Variants in PSD3 observed in about 807,000 individuals in gnomAD.
PSD3 encodes the protein pleckstrin and Sec7 domain containing 3.
PSD3 carries 49 observed loss-of-function variants against 105.5 expected under a neutral mutation model. The observed-to-expected ratio is 0.46, with a 90% CI of 0.37 to 0.59. The LOEUF is 0.59. Ranked by LOEUF, PSD3 falls within the 20% of genes least tolerant of loss-of-function variation. The pLI is 0.00. For missense variants in PSD3, 1,561 were observed against 1,263.8 expected, an observed-to-expected ratio of 1.24 and a Z score of -3.57; for synonymous variants, 557 against 457.8, an observed-to-expected ratio of 1.22 and a Z score of -2.77.
rs538129091 is a variant in PSD3, at chr8:18,872,210, G to A, written c.654C>T (p.Thr218=). Residue 218 remains threonine (T), a synonymous_variant, in exon 3 of 16, where the codon ACC becomes ACT. Transcript: ENST00000327040. ...SFYLSIQKDL[T]ALLTGDTQAE... ...CCTGAGTGTCTCCAGTTAACAGCGC[G>A]GTGAGATCTTTCTGGATGCTCAAAT... 145 of 1,614,136 alleles carry A rather than the reference G, an allele frequency of 9.0e-5. 1 individual carries two copies. Among genetic ancestry groups the A allele is most frequent in the Middle Eastern group, 3.3e-4 (2 of 6,062 alleles).
chr8:19,008,245 T>G lies in PSD3; in HGVS notation c.21+5318A>C, dbSNP rs533145746. On this transcript the variant is annotated intron_variant, in intron 1 of 15. Transcript: ENST00000327040. Reference sequence around the variant, plus strand: ...AATGAATCGGCGAAACATAAAAATCTGCCCAAAAGTAACTTTGCTATTCAA... The same window carrying G: ...AATGAATCGGCGAAACATAAAAATCGGCCCAAAAGTAACTTTGCTATTCAA... Among the ~76,000 whole-genome samples the G allele has an allele frequency of 9.8e-5, 15 of 152,336 alleles. No homozygotes were observed. In the South Asian group the frequency reaches 2.5e-3, roughly 25 times the overall value.
intron 2 of PSD3, among the ~76,000 whole-genome samples, chr8:18,931,881 A>G (rs573835001): frequency 2.0e-5 from 3 of 152,178 alleles, no homozygotes; most frequent in African/African-American, 7.2e-5. Flanking sequence ...CCAATCTGAG[A>G]GTTGGTTTTC....
At chr8:18,649,987 C>T (rs944616457) in intron 10 of PSD3, among the ~76,000 whole-genome samples, 1 of 152,202 alleles carries the variant, frequency 6.6e-6, no homozygotes, top group Non-Finnish European at 1.5e-5. Flanking sequence ...AATTAAACCT[C>T]TTTTGTTTAC....
chr8:18,590,414 G>C (rs1444406847), intron 12 of PSD3, among the ~76,000 whole-genome samples: 1 of 151,782 alleles, frequency 6.6e-6, no homozygotes, highest in Admixed American at 6.6e-5. Flanking sequence ...ATGTGTTCGT[G>C]GACAAACACC....
chr8:19,064,689 A>C (rs921958149), intron 1 of PSD3, among the ~76,000 whole-genome samples: 3 of 152,214 alleles, frequency 2.0e-5, no homozygotes, highest in Non-Finnish European at 4.4e-5. Context: ...CGTTAGGAAT[A>C]AAATTCTTCC....
At chr8:18,798,162 T>A (rs1810355466) in intron 8 of PSD3, among the ~76,000 whole-genome samples, 1 of 152,184 alleles carries the variant, frequency 6.6e-6, no homozygotes, top group Admixed American at 6.5e-5. Context: ...TTCCACATGG[T>A]GTATTAGCCG....
chr8:18,655,906 T>C (rs1808855161), intron 9 of PSD3, among the ~76,000 whole-genome samples: 1 of 152,162 alleles, frequency 6.6e-6, no homozygotes, highest in African/African-American at 2.4e-5. Flanking sequence ...AAGTTATAAC[T>C]GTCTTTTATC....
intron 9 of PSD3, among the ~76,000 whole-genome samples, chr8:18,709,055 C>T (rs968492192): frequency 1.4e-4 from 21 of 152,196 alleles, no homozygotes; most frequent in Admixed American, 6.5e-5. Context: ...CTCTCAGCAG[C>T]TGCTCGGGTT....
At chr8:19,069,813 C>T (rs938325361) in intron 1 of PSD3, among the ~76,000 whole-genome samples, 2 of 152,180 alleles carry the variant, frequency 1.3e-5, no homozygotes, top group African/African-American at 4.8e-5. Flanking sequence ...AAATACAGGA[C>T]ACCAGTTACA....
At chr8:19,070,217 A>G (rs1225637979) in intron 1 of PSD3, among the ~76,000 whole-genome samples, 1 of 152,140 alleles carries the variant, frequency 6.6e-6, no homozygotes, top group Non-Finnish European at 1.5e-5. Flanking sequence ...TCCTGTAGAT[A>G]GCATTCGTTT....
intron 11 of PSD3, among the ~76,000 whole-genome samples, chr8:18,625,505 C>T (rs932600382): frequency 6.6e-6 from 1 of 152,122 alleles, no homozygotes; most frequent in Non-Finnish European, 1.5e-5. Flanking sequence ...TTAAACAGCA[C>T]TGTGTTGGCC....
intron 9 of PSD3, among the ~76,000 whole-genome samples, chr8:18,671,635 TTTTG>T (rs1484570698): frequency 6.7e-6 from 1 of 149,588 alleles, no homozygotes; most frequent in Non-Finnish European, 1.5e-5. Flanking sequence ...TTTTTTTGTT[TTTTG>T]TTTTTTTTTT....
At chr8:18,704,267 C>A (rs1304005353) in intron 9 of PSD3, among the ~76,000 whole-genome samples, 1 of 152,160 alleles carries the variant, frequency 6.6e-6, no homozygotes, top group Non-Finnish European at 1.5e-5. Context: ...GAAGAATCTC[C>A]CTTTACTAGA....
At chr8:18,953,826 A>G (rs890051170) in intron 1 of PSD3, among the ~76,000 whole-genome samples, 1 of 152,212 alleles carries the variant, frequency 6.6e-6, no homozygotes, top group African/African-American at 2.4e-5. Context: ...AACATGAGGT[A>G]AACTCGCATA....
chr8:18,702,901 C>T (rs561559198), intron 9 of PSD3, among the ~76,000 whole-genome samples: 10 of 152,168 alleles, frequency 6.6e-5, no homozygotes, highest in South Asian at 4.1e-4. Flanking sequence ...TGTGAGCCAC[C>T]GCGCTTGGAC....
At chr8:18,746,238 A>C (rs1206594255) in intron 9 of PSD3, among the ~76,000 whole-genome samples, 1 of 151,922 alleles carries the variant, frequency 6.6e-6, no homozygotes, top group African/African-American at 2.4e-5. Flanking sequence ...TCTTTTTTGC[A>C]TACTTACAAA....
At chr8:18,542,845 G>A (rs17126789) in intron 15 of PSD3, among the ~76,000 whole-genome samples, 1,773 of 152,180 alleles carry the variant, frequency 0.012, 15 homozygotes, top group Middle Eastern at 0.024. Context: ...GTGCCTCAGG[G>A]TCAGTTTTGC....
upstream of PSD3, among the ~76,000 whole-genome samples, chr8:19,016,051 A>T (rs1563511536): frequency 6.6e-6 from 1 of 152,246 alleles, no homozygotes. Context: ...CCTAAAGCAA[A>T]TCAAATAAAC....
chr8:18,897,879 C>T (rs761779955), intron 2 of PSD3, among the ~76,000 whole-genome samples: 12 of 152,122 alleles, frequency 7.9e-5, no homozygotes, highest in African/African-American at 1.4e-4. Flanking sequence ...CTGAATTAGA[C>T]GGTCAGTTCA....
Sources: gnomAD v4.1 joint callset for allele counts (sites outside exome capture counted in the v4.1 genomes callset) on GRCh38, gnomAD v4.1.1 for gene constraint, MANE v1.5 for transcripts, NCBI Gene and HGNC (gene_info 2026-07-23, HGNC 2026-07-21) for gene names.